KCNH1: variants seen among roughly 807,000 people sequenced by gnomAD.
KCNH1 encodes potassium voltage-gated channel subfamily H member 1, also known as voltage-gated delayed rectifier potassium channel KCNH1.
A neutral mutation model predicts 69.2 loss-of-function variants in KCNH1; 27 were observed. The ratio of observed to expected loss-of-function variants is 0.39; its 90% confidence interval spans 0.29 to 0.54. The LOEUF (loss-of-function observed/expected upper bound fraction) is 0.54. Ranked by LOEUF, KCNH1 falls within the 20% of genes least tolerant of loss-of-function variation. KCNH1 has a pLI of 0.68. For synonymous variants in KCNH1, 456 were observed against 487.7 expected (o/e 0.93, Z 0.86); for missense variants, 798 against 1,261.6 (o/e 0.63, Z 5.57).
intron 6 of KCNH1, among the ~76,000 whole-genome samples, chr1:210,966,931 GCACTGTT>G (rs1308512120): frequency 6.6e-6 from 1 of 152,202 alleles, no homozygotes; most frequent in Non-Finnish European, 1.5e-5. Flanking sequence ...GTTTATTGTG[GCACTGTT>G]CACAATAGCA....
chr1:210,839,121 G>A (rs1241911042), intron 7 of KCNH1, among the ~76,000 whole-genome samples: 1 of 152,126 alleles, frequency 6.6e-6, no homozygotes, highest in Non-Finnish European at 1.5e-5. Flanking sequence ...TATGTTCATT[G>A]CAGCAGCATT....
At chr1:210,784,600 C>T (rs1420698760) in intron 9 of KCNH1, among the ~76,000 whole-genome samples, 1 of 152,106 alleles carries the variant, frequency 6.6e-6, no homozygotes, top group African/African-American at 2.4e-5. Context: ...CAGGGACAGG[C>T]CTGTATTTCA....
rs369505764 is a variant in KCNH1, at chr1:210,795,962, A to AACACACACACACAC, written c.1915+1532_1915+1545dup. On this transcript the variant is annotated intron_variant, in intron 9 of 10. Transcript: ENST00000271751. ...ATGGTGAAACCCCATCTCTACTAAA[A>AACACACACACACAC]ACACACACACACACACACACACACA... Among the ~76,000 whole-genome samples the AACACACACACACAC allele has an allele frequency of 3.6e-3, 485 of 136,062 alleles. 4 individuals are homozygous for AACACACACACACAC. The highest frequency in any genetic ancestry group is 7.5e-3 in the African/African-American group (271 of 36,248). 89.3% of individuals were successfully genotyped at this position (136,062 alleles called of 152,430 possible). A position where few individuals can be genotyped will look rare whatever the true frequency, so the allele number is the denominator to read the frequency against.
chr1:210,916,597 T>C (rs1207030021), intron 7 of KCNH1, among the ~76,000 whole-genome samples: 2 of 152,166 alleles, frequency 1.3e-5, no homozygotes, highest in Admixed American at 1.3e-4. Flanking sequence ...CTGAATCCTA[T>C]CTCTCCTGTC....
At chr1:210,969,967 G>A (rs1265425313) in intron 6 of KCNH1, among the ~76,000 whole-genome samples, 2 of 151,940 alleles carry the variant, frequency 1.3e-5, no homozygotes. Context: ...CATGATATCT[G>A]CCCATTGCAG....
rs543135571 is a variant in KCNH1, at chr1:211,050,562, C to T, written c.559-31306G>A. On this transcript the variant is annotated intron_variant, in intron 5 of 10. Coordinates refer to ENST00000271751, the MANE Select transcript of KCNH1 (RefSeq NM_172362.3). ...AACCCACATGACACCGTCACAAATA[C>T]AATCCCACGCTGAAATGCAACTGGG... Among the ~76,000 whole-genome samples the T allele has an allele frequency of 3.9e-5, 6 of 152,326 alleles. No homozygotes were observed. The South Asian group carries it at 1.2e-3, about 32-fold the overall frequency.
At chr1:210,988,328 C>T (rs1218491457) in intron 6 of KCNH1, among the ~76,000 whole-genome samples, 4 of 152,080 alleles carry the variant, frequency 2.6e-5, no homozygotes, top group East Asian at 1.9e-4. Flanking sequence ...GAGATGAACC[C>T]GGTACCTCAG....
intron 3 of KCNH1, among the ~76,000 whole-genome samples, chr1:211,097,674 C>T (rs1691181849): frequency 6.6e-6 from 1 of 152,200 alleles, no homozygotes; most frequent in South Asian, 2.1e-4. Context: ...ACATCTATAT[C>T]TCTGTGACCC....
At chr1:210,702,282 G>T (rs1681799455) in intron 10 of KCNH1, among the ~76,000 whole-genome samples, 1 of 152,130 alleles carries the variant, frequency 6.6e-6, no homozygotes, top group African/African-American at 2.4e-5. Flanking sequence ...GCTCTGAAAA[G>T]TGTTCTTATA....
At chr1:210,893,787 T>A (rs1686800015) in intron 7 of KCNH1, among the ~76,000 whole-genome samples, 1 of 152,110 alleles carries the variant, frequency 6.6e-6, no homozygotes, top group Admixed American at 6.6e-5. Flanking sequence ...TTTTCTTAAA[T>A]TCTTTTCTCT....
In KCNH1 at chr1:210,683,073, C is replaced by A; in HGVS notation, c.*208G>T. The A allele has an allele frequency of 1.6e-6, 1 of 621,550 alleles. No homozygotes were observed. The highest frequency in any genetic ancestry group is 2.1e-5 in the South Asian group (1 of 48,622). The allele number at this position is 621,550 out of a possible 1,614,324, so 38.5% of individuals were successfully genotyped here. ...AAATTGTGCAAAGACGGTTCAGATG[C>A]AGCTGCCACCTTGCAGGGTAGGGGC... On this transcript the variant is annotated 3_prime_UTR_variant, in exon 11 of 11. Coordinates refer to ENST00000271751, the MANE Select transcript of KCNH1 (RefSeq NM_172362.3). The surrounding 1 kb of genome is among the most constrained non-coding windows in gnomAD (Gnocchi z 5.7).
intron 9 of KCNH1, among the ~76,000 whole-genome samples, chr1:210,779,963 G>A (rs1014777050): frequency 2.0e-5 from 3 of 152,114 alleles, no homozygotes; most frequent in Admixed American, 2.0e-4. Flanking sequence ...GGGCCAGGGA[G>A]GGGCACAGCA....
intron 5 of KCNH1, among the ~76,000 whole-genome samples, chr1:211,064,283 G>A (rs938827689): frequency 2.1e-4 from 32 of 152,288 alleles, no homozygotes; most frequent in Admixed American, 3.3e-4. Context: ...TGAATTGGCC[G>A]GGCACGGTGG....
chr1:210,931,433 G>A (rs1687678517), intron 6 of KCNH1, among the ~76,000 whole-genome samples: 1 of 152,098 alleles, frequency 6.6e-6, no homozygotes, highest in Non-Finnish European at 1.5e-5. Flanking sequence ...AACAAACATT[G>A]TATGTTCTCA....
intron 5 of KCNH1, among the ~76,000 whole-genome samples, chr1:211,067,093 G>T (rs138686079): frequency 0.018 from 2,773 of 152,252 alleles, 39 homozygotes; most frequent in Non-Finnish European, 0.022. Flanking sequence ...GGCCAGGCTG[G>T]CAGCATGGAG....
At chr1:211,086,073 C>T (rs1478452742) in intron 4 of KCNH1, among the ~76,000 whole-genome samples, 3 of 152,188 alleles carry the variant, frequency 2.0e-5, no homozygotes, top group Admixed American at 6.5e-5. Context: ...TCTATCCCTT[C>T]TCCCAAATAG....
At chr1:210,997,100 A>G (rs1300947221) in intron 6 of KCNH1, among the ~76,000 whole-genome samples, 1 of 152,270 alleles carries the variant, frequency 6.6e-6, no homozygotes, top group African/African-American at 2.4e-5. Context: ...TAAAAAGCAG[A>G]GTGCCTCTCC....
chr1:210,813,294 T>C (rs1191618688), intron 7 of KCNH1, among the ~76,000 whole-genome samples: 2 of 152,198 alleles, frequency 1.3e-5, no homozygotes, highest in Non-Finnish European at 2.9e-5. Context: ...AGAAGAGAGA[T>C]GTTTTAAACT....
intron 6 of KCNH1, among the ~76,000 whole-genome samples, chr1:211,008,343 C>T (rs1196130793): frequency 1.3e-5 from 2 of 152,132 alleles, no homozygotes; most frequent in African/African-American, 2.4e-5. Context: ...CTATGTTTGT[C>T]AAAAGAAGAA....
Sources: gnomAD v4.1 joint callset for allele counts (sites outside exome capture counted in the v4.1 genomes callset) on GRCh38, gnomAD v4.1.1 for gene constraint, Gnocchi (gnomAD v3.1) non-coding constraint, MANE v1.5 for transcripts, NCBI Gene and HGNC (gene_info 2026-07-23, HGNC 2026-07-21) for gene names.